MRTFA: variants seen among roughly 807,000 people sequenced by gnomAD.
The protein encoded by MRTFA is myocardin related transcription factor A, also known as myocardin-related transcription factor A.
MRTFA carries 20 observed loss-of-function variants against 83.5 expected under a neutral mutation model. That is an observed-to-expected ratio of 0.24 (90% CI 0.17 to 0.35). MRTFA has a LOEUF of 0.35. Among genes scored for constraint, MRTFA ranks in the 10% least tolerant of loss-of-function variants. The pLI is 1.00. For synonymous variants in MRTFA, 659 were observed against 541.2 expected, an observed-to-expected ratio of 1.22 and a Z score of -3.02; for missense variants, 1,200 against 1,224.7, an observed-to-expected ratio of 0.98 and a Z score of 0.30.
chr22:40,635,174 T>A (rs1383205016), intron 1 of MRTFA, among the ~76,000 whole-genome samples: 1 of 152,222 alleles, frequency 6.6e-6, no homozygotes, highest in East Asian at 1.9e-4. Flanking sequence ...GTTTAATAAC[T>A]TCCAGCCAAA....
chr22:40,622,535 A>T (rs2147437246), intron 1 of MRTFA, among the ~76,000 whole-genome samples: 1 of 151,956 alleles, frequency 6.6e-6, no homozygotes, highest in South Asian at 2.1e-4. Flanking sequence ...ATGTCCTTAC[A>T]AGAGAAGAGG....
intron 3 of MRTFA, among the ~76,000 whole-genome samples, chr22:40,476,142 T>TC (rs1280749414): frequency 8.0e-6 from 1 of 125,012 alleles, no homozygotes; most frequent in Non-Finnish European, 1.7e-5. Flanking sequence ...AGACTCCGTC[T>TC]CAAAAAAAAA....
At chr22:40,504,409 A>T (rs1486315521) in intron 3 of MRTFA, among the ~76,000 whole-genome samples, 1 of 152,242 alleles carries the variant, frequency 6.6e-6, no homozygotes, top group African/African-American at 2.4e-5. Flanking sequence ...GATAATCTCA[A>T]GATAAATGCT....
intron 7 of MRTFA, among the ~76,000 whole-genome samples, chr22:40,425,671 G>A (rs1438284498): frequency 6.6e-6 from 1 of 152,208 alleles, no homozygotes; most frequent in Non-Finnish European, 1.5e-5. Context: ...CTGACCATGT[G>A]TACTTCATGC....
chr22:40,463,155 A>G (rs2053744872), intron 4 of MRTFA, 66 bp downstream of exon 4: 11 of 1,330,180 alleles, frequency 8.3e-6, no homozygotes, highest in Non-Finnish European at 9.8e-6. Context: ...TTCCCATGGC[A>G]TACTCGGTGA....
chr22:40,560,839 T>G (rs528693932), intron 2 of MRTFA, among the ~76,000 whole-genome samples: 1 of 152,264 alleles, frequency 6.6e-6, no homozygotes, highest in East Asian at 1.9e-4. Flanking sequence ...CTTCTGCCTG[T>G]ACAGAACAAC....
At chr22:40,457,494 G>GAAAGA (rs2053616709) in intron 4 of MRTFA, among the ~76,000 whole-genome samples, 2 of 150,784 alleles carry the variant, frequency 1.3e-5, no homozygotes, top group Non-Finnish European at 3.0e-5. Flanking sequence ...AAGAAGGAAA[G>GAAAGA]AAAGAAAGAG....
chr22:40,459,782 T>TATATACACAC (rs1261144482), intron 4 of MRTFA, among the ~76,000 whole-genome samples: 2 of 88,914 alleles, frequency 2.2e-5, no homozygotes, highest in African/African-American at 9.4e-5. Flanking sequence ...TGATAAAATA[T>TATATACACAC]ACACACACAC....
chr22:40,465,556 T>C (rs1231374153), intron 3 of MRTFA, among the ~76,000 whole-genome samples: 2 of 152,142 alleles, frequency 1.3e-5, no homozygotes, highest in Admixed American at 1.3e-4. Context: ...CATATGAAGA[T>C]ACATTTTGGT....
chr22:40,528,753 A>C (rs2055024134), intron 3 of MRTFA, among the ~76,000 whole-genome samples: 1 of 152,052 alleles, frequency 6.6e-6, no homozygotes, highest in Non-Finnish European at 1.5e-5. Context: ...AAAAAAAAAA[A>C]AAAGTATGTT....
chr22:40,430,860 C>CAAAA (rs1171650702), intron 6 of MRTFA, among the ~76,000 whole-genome samples: 70 of 34,828 alleles, frequency 2.0e-3, no homozygotes, highest in Non-Finnish European at 2.2e-3. Flanking sequence ...GACTCCATCA[C>CAAAA]AAAAAAAAAA....
intron 2 of MRTFA, among the ~76,000 whole-genome samples, chr22:40,585,749 G>A (rs139150648): frequency 2.9e-4 from 44 of 152,338 alleles, no homozygotes; most frequent in Non-Finnish European, 4.7e-4. Context: ...GTCTAGGAGA[G>A]AGATGAAGGT....
intron 3 of MRTFA, among the ~76,000 whole-genome samples, chr22:40,542,232 C>T (rs1341359086): frequency 6.6e-6 from 1 of 152,096 alleles, no homozygotes; most frequent in East Asian, 1.9e-4. Context: ...TCTTCACACA[C>T]GCTATTACTT....
At chr22:40,424,017 G>A (rs2052899398) in intron 8 of MRTFA, among the ~76,000 whole-genome samples, 189 bp downstream of exon 8, 1 of 152,204 alleles carries the variant, frequency 6.6e-6, no homozygotes, top group Admixed American at 6.5e-5. Flanking sequence ...CTGGCTGCTG[G>A]AGAGGGGCCA....
At position 40,619,183 on chromosome 22, in the gene MRTFA, G is replaced by A. The variant is rs1331671381; in HGVS notation, c.-84+17295C>T. Among the ~76,000 whole-genome samples the A allele has an allele frequency of 3.3e-5, 5 of 151,692 alleles. No homozygotes were observed. In the East Asian group the frequency reaches 9.8e-4, roughly 30 times the overall value. The stretch of plus-strand genomic sequence containing the variant: ...CACTTGGCTTTAAATAAAGGAGGCT[G>A]TCCTAGATAATCTGGATGGGCCTGA... On this transcript the variant is annotated intron_variant, in intron 1 of 14. Coordinates refer to ENST00000355630, the MANE Select transcript of MRTFA (RefSeq NM_020831.6).
chr22:40,449,399 A>C (rs986689865), intron 4 of MRTFA, among the ~76,000 whole-genome samples: 3 of 152,192 alleles, frequency 2.0e-5, no homozygotes, highest in African/African-American at 4.8e-5. Context: ...TCTGTGCCAC[A>C]CTAAAAATGA....
In MRTFA at chr22:40,489,971, C is replaced by CAAAAAAAA. The variant is rs55808950; in HGVS notation, c.242-26693_242-26686dup. On this transcript the variant is annotated intron_variant, in intron 3 of 14. Coordinates refer to ENST00000355630, the MANE Select transcript of MRTFA (RefSeq NM_020831.6). ...TGGGAGACAAAGCATGACTCTGTCG[C>CAAAAAAAA]AAAAAAAAAAAAAAAAATCAGAAAA... Among the ~76,000 whole-genome samples the CAAAAAAAA allele has an allele frequency of 1.0e-4, 11 of 105,816 alleles. 1 individual carries two copies. Among genetic ancestry groups the CAAAAAAAA allele is most frequent in the African/African-American group, 1.5e-4 (4 of 27,146 alleles). 69.4% of individuals were successfully genotyped at this position (105,816 alleles called of 152,430 possible). A position where few individuals can be genotyped will look rare whatever the true frequency, so the allele number is the denominator to read the frequency against.
chr22:40,573,530 C>T (rs914000191), intron 2 of MRTFA, among the ~76,000 whole-genome samples: 2 of 152,032 alleles, frequency 1.3e-5, no homozygotes, highest in African/African-American at 2.4e-5. Flanking sequence ...GATGGGATTA[C>T]AGGCATGAAC....
At chr22:40,482,893 G>A (rs1235900808) in intron 3 of MRTFA, among the ~76,000 whole-genome samples, 1 of 152,050 alleles carries the variant, frequency 6.6e-6, no homozygotes, top group South Asian at 2.1e-4. Context: ...ACTTTGTGGG[G>A]GTCAAGGTGG....
Sources: allele counts gnomAD v4.1 joint callset (sites outside exome capture counted in the v4.1 genomes callset), GRCh38; gene constraint gnomAD v4.1.1; transcripts MANE v1.5; gene names NCBI Gene and HGNC (gene_info 2026-07-23, HGNC 2026-07-21).